The following ARHGEF12 variants were observed in gnomAD, a reference collection of about 807,000 sequenced individuals.
ARHGEF12 encodes the protein KMT2A/ARHGEF12 fusion protein.
Under a neutral mutation model 211.2 loss-of-function variants are expected in ARHGEF12, and 66 were observed. The observed-to-expected ratio is 0.31, with a 90% CI of 0.26 to 0.38. The LOEUF is 0.38. ARHGEF12 is among the 10% of genes least tolerant of loss of function. The pLI, the probability that ARHGEF12 is intolerant of heterozygous loss-of-function variation, is 1.00. For synonymous variants in ARHGEF12, 592 were observed against 638.4 expected (o/e 0.93, Z 1.09); for missense variants, 1,429 against 1,869.5 (o/e 0.76, Z 4.34).
At position 120,477,467 on chromosome 11, in the gene ARHGEF12, A is replaced by G; in HGVS notation, c.3473A>G (p.Asp1158Gly). 4 of 1,604,836 alleles carry G rather than the reference A, an allele frequency of 2.5e-6. No homozygotes were observed. The highest frequency in any genetic ancestry group is 2.2e-5 in the East Asian group (1 of 44,792). The change falls in exon 36 of 41, where the codon GAT becomes GGT. Residue 1158 changes from aspartate (D) to glycine (G), a missense_variant. Physicochemically the swap from Asp to Gly is moderately conservative, Grantham distance 94. This residue lies in a region of ARHGEF12 where 467 missense variants were observed against 468.4 expected (regional missense o/e 1.00). Coordinates refer to ENST00000397843, the MANE Select transcript of ARHGEF12 (RefSeq NM_015313.3). ...TACAGAGGAGATAATGATGAAGAAG[A>G]TCCTTCAAAATTAAAAGAGGAGCAG... ...TPGEGDNDEE[D>G]PSKLKEEQHG...
chr11:120,401,972 A>C (rs1944558371), intron 1 of ARHGEF12, among the ~76,000 whole-genome samples: 1 of 152,234 alleles, frequency 6.6e-6, no homozygotes, highest in Admixed American at 6.5e-5. Context: ...GTAAATACAT[A>C]AGTGGTTACT....
chr11:120,428,376 T>G, intron 8 of ARHGEF12, 129 bp downstream of exon 8: 1 of 765,534 alleles, frequency 1.3e-6, no homozygotes, highest in Non-Finnish European at 1.9e-6. Flanking sequence ...GATTTACTAA[T>G]ATAAAAATTA....
chr11:120,415,070 T>C (rs901529034), intron 4 of ARHGEF12, among the ~76,000 whole-genome samples: 1 of 152,230 alleles, frequency 6.6e-6, no homozygotes, highest in Non-Finnish European at 1.5e-5. Flanking sequence ...TTATGATTAA[T>C]AATCTTTATA....
intron 1 of ARHGEF12, among the ~76,000 whole-genome samples, chr11:120,375,816 TC>T (rs1409497522): frequency 6.6e-6 from 1 of 152,194 alleles, no homozygotes; most frequent in Non-Finnish European, 1.5e-5. Context: ...TTTGTCATGT[TC>T]CTTAGCCTCC....
chr11:120,458,040 C>G, intron 24 of ARHGEF12, 40 bp from the exon 25 acceptor site: 4 of 1,587,058 alleles, frequency 2.5e-6, no homozygotes, highest in Non-Finnish European at 3.4e-6. Flanking sequence ...CATTGTCCAC[C>G]TAAAGTCTTC....
At chr11:120,392,347 T>C (rs1944245061) in intron 1 of ARHGEF12, among the ~76,000 whole-genome samples, 2 of 152,214 alleles carry the variant, frequency 1.3e-5, no homozygotes, top group South Asian at 4.1e-4. Context: ...TATCTTTTTT[T>C]AATAGCACTT....
Position 120,488,101 on chromosome 11 carries a change from G to A in ARHGEF12, c.*3024G>A, listed in dbSNP as rs1947442075. 4.6e-6 allele frequency: 1 copy of A among 217,542 alleles called. No individual in the cohort carries two copies. Among genetic ancestry groups the A allele is most frequent in the Non-Finnish European group, 9.2e-6 (1 of 108,384 alleles). The allele number at this position is 217,542 out of a possible 1,614,324, so 13.5% of individuals were successfully genotyped here. A position where few individuals can be genotyped will look rare whatever the true frequency, so the allele number is the denominator to read the frequency against. ...TTGTTTATTTGATTTTGAGTTAGGA[G>A]GGATAATAGAGAAGTCCATTTAAAA... is the stretch of plus-strand genomic sequence containing the variant. On this transcript the variant is annotated 3_prime_UTR_variant, in exon 41 of 41. Coordinates refer to ENST00000397843, the MANE Select transcript of ARHGEF12 (RefSeq NM_015313.3).
At chr11:120,475,652 AAAGAGACCT>A in intron 33 of ARHGEF12, 145 bp downstream of exon 33, 2 of 838,998 alleles carry the variant, frequency 2.4e-6, no homozygotes, top group African/African-American at 1.7e-5. Context: ...TACTGCTTAG[AAAGAGACCT>A]AAGAGTTTAT....
At chr11:120,358,200 T>A (rs991534671) in intron 1 of ARHGEF12, among the ~76,000 whole-genome samples, 1 of 152,154 alleles carries the variant, frequency 6.6e-6, no homozygotes, top group African/African-American at 2.4e-5. Context: ...TAGTGAGACA[T>A]TTTTCAGTAA....
intron 33 of ARHGEF12, 78 bp downstream of exon 33, chr11:120,475,585 A>G: frequency 1.4e-6 from 2 of 1,440,278 alleles, no homozygotes; most frequent in Non-Finnish European, 1.9e-6. Flanking sequence ...TGTCTCAATA[A>G]CACAAGTGGC....
chr11:120,391,464 G>A (rs1944215136), intron 1 of ARHGEF12, among the ~76,000 whole-genome samples: 1 of 152,188 alleles, frequency 6.6e-6, no homozygotes, highest in South Asian at 2.1e-4. Context: ...TTTGGCAGTA[G>A]AGCAGTACAA....
At chr11:120,397,196 G>C (rs375624208) in intron 1 of ARHGEF12, among the ~76,000 whole-genome samples, 4 of 152,250 alleles carry the variant, frequency 2.6e-5, no homozygotes, top group African/African-American at 9.6e-5. Context: ...CACCGATTTC[G>C]TGCCACACTT....
At position 120,481,281 on chromosome 11, in the gene ARHGEF12, G is replaced by C; in HGVS notation, c.4259G>C (p.Gly1420Ala). The C allele has an allele frequency of 6.2e-7, 1 of 1,614,026 alleles. No homozygotes were observed. Among genetic ancestry groups the C allele is most frequent in the Non-Finnish European group, 8.5e-7 (1 of 1,179,966 alleles). The change falls in exon 39 of 41, where the codon GGC becomes GCC. Residue 1420 changes from glycine (G) to alanine (A), a missense_variant. This residue lies in a region of ARHGEF12 where 467 missense variants were observed against 468.4 expected (regional missense o/e 1.00). Transcript: ENST00000397843. ...RISGNYLILD[G>A]YDPVQESSTD... ...ATAGGAAACTATTTGATCCTTGATG[G>C]CTATGACCCAGTGCAGGAGAGTTCC...
At chr11:120,476,877 C>T (rs76034797) in intron 34 of ARHGEF12, 129 bp downstream of exon 34, 37,997 of 672,866 alleles carry the variant, frequency 0.056, 1,284 homozygotes, top group South Asian at 0.085. Flanking sequence ...CTTTTAGAGA[C>T]GTTCTACTAT....
At chr11:120,467,768 T>C (rs1379580269) in intron 29 of ARHGEF12, among the ~76,000 whole-genome samples, 2 of 152,120 alleles carry the variant, frequency 1.3e-5, no homozygotes, top group East Asian at 3.9e-4. Flanking sequence ...CTAGTCTTCT[T>C]CGGGCTGTTT....
chr11:120,354,258 C>G (rs562805124), intron 1 of ARHGEF12, among the ~76,000 whole-genome samples: 1 of 152,272 alleles, frequency 6.6e-6, no homozygotes, highest in South Asian at 2.1e-4. Flanking sequence ...AAAGAGGGCT[C>G]AGTCCTACCC....
At chr11:120,459,486 C>T in intron 26 of ARHGEF12, 166 bp downstream of exon 26, 1 of 761,454 alleles carries the variant, frequency 1.3e-6, no homozygotes, top group Non-Finnish European at 2.0e-6. Context: ...CTTTTCCTCA[C>T]AATCAATCTT....
intron 1 of ARHGEF12, among the ~76,000 whole-genome samples, chr11:120,348,458 C>T (rs1488196656): frequency 6.6e-6 from 1 of 152,146 alleles, no homozygotes; most frequent in East Asian, 1.9e-4. Flanking sequence ...TTTTGGGTGC[C>T]ATGTGCCACA....
At chr11:120,365,598 T>C (rs575969563) in intron 1 of ARHGEF12, 1 of 152,366 alleles carries the variant, frequency 6.6e-6, no homozygotes, top group South Asian at 2.1e-4. Context: ...TATACTTCAA[T>C]TCTTTAAATT....
Sources: gnomAD v4.1 joint callset for allele counts (sites outside exome capture counted in the v4.1 genomes callset) on GRCh38, gnomAD v4.1.1 for gene constraint, gnomAD v4.1.1 regional missense constraint, MANE v1.5 for transcripts, NCBI Gene and HGNC (gene_info 2026-07-23, HGNC 2026-07-21) for gene names.